The following CERT1 variants were observed in gnomAD, a reference collection of about 807,000 sequenced individuals.
CERT1 encodes the protein ceramide transfer protein.
A neutral mutation model predicts 87.9 loss-of-function variants in CERT1; 31 were observed. The ratio of observed to expected loss-of-function variants is 0.35; its 90% confidence interval spans 0.27 to 0.48. The LOEUF is 0.48. CERT1 is among the 20% of genes least tolerant of loss of function. The probability of loss-of-function intolerance (pLI) is 0.99; values close to 1 mark genes in which losing one functional copy is unlikely to be tolerated. For synonymous variants in CERT1, 289 were observed against 250.9 expected, an observed-to-expected ratio of 1.15 and a Z score of -1.44; for missense variants, 487 against 758.0, an observed-to-expected ratio of 0.64 and a Z score of 4.20.
rs147126458 is a variant in CERT1, at chr5:75,499,299, G to A, written c.231+6683C>T. Among the ~76,000 whole-genome samples the A allele has an allele frequency of 5.6e-3, 852 of 152,264 alleles. 7 individuals carry two copies. The highest frequency in any genetic ancestry group is 8.6e-3 in the Non-Finnish European group (584 of 68,014). The stretch of plus-strand genomic sequence containing the variant: ...TTTGAAATGTGAGGACATGAGATTT[G>A]GGAGGGGCCAGGGGCAGAATGATAC... On this transcript the variant is annotated intron_variant, in intron 2 of 16. Coordinates refer to ENST00000643780, the MANE Select transcript of CERT1 (RefSeq NM_001379029.1).
intron 2 of CERT1, among the ~76,000 whole-genome samples, chr5:75,487,973 T>A (rs980730083): frequency 3.3e-5 from 5 of 152,074 alleles, no homozygotes; most frequent in African/African-American, 1.2e-4. Flanking sequence ...AAACTTTGCA[T>A]GTTCTTACTA....
At chr5:75,477,873 C>T (rs1766040431) in intron 2 of CERT1, among the ~76,000 whole-genome samples, 1 of 151,896 alleles carries the variant, frequency 6.6e-6, no homozygotes. Context: ...ATAAATGATA[C>T]ATAATACTTT....
intron 3 of CERT1, among the ~76,000 whole-genome samples, chr5:75,457,665 A>C (rs969493875): frequency 1.3e-5 from 2 of 152,132 alleles, no homozygotes; most frequent in Non-Finnish European, 2.9e-5. Flanking sequence ...GAGAAATCTT[A>C]AATCAATAAA....
At chr5:75,473,889 A>C (rs1765832891) in intron 2 of CERT1, among the ~76,000 whole-genome samples, 1 of 152,232 alleles carries the variant, frequency 6.6e-6, no homozygotes, top group Admixed American at 6.5e-5. Flanking sequence ...TGTAAAAAAA[A>C]GTTACTTTAA....
Position 75,457,981 on chromosome 5 carries a change from GGTA to G in CERT1, c.348+1081_348+1083del, listed in dbSNP as rs1266122196. Among the ~76,000 whole-genome samples the G allele has an allele frequency of 2.2e-3, 295 of 133,192 alleles. 1 individual carries two copies. Among genetic ancestry groups the G allele is most frequent in the East Asian group, 2.3e-3 (10 of 4,330 alleles). The allele number at this position is 133,192 out of a possible 152,430, so 87.4% of individuals were successfully genotyped here. A position where few individuals can be genotyped will look rare whatever the true frequency, so the allele number is the denominator to read the frequency against. Reference sequence around the variant, plus strand: ...AAAATGTGTGTGTGTGTGTGTGTGTGGTATGTGTGTGTGTGTTTTGTGCCTGTT... The same window carrying G: ...AAAATGTGTGTGTGTGTGTGTGTGTGTGTGTGTGTGTGTTTTGTGCCTGTT... On this transcript the variant is annotated intron_variant, in intron 3 of 16. Coordinates refer to ENST00000643780, the MANE Select transcript of CERT1 (RefSeq NM_001379029.1).
At chr5:75,414,021 T>C (rs908494322) in intron 7 of CERT1, among the ~76,000 whole-genome samples, 5 of 151,900 alleles carry the variant, frequency 3.3e-5, no homozygotes, top group Admixed American at 3.3e-4. Context: ...CAAATTGAAG[T>C]CATACAATAA....
downstream of CERT1, chr5:75,374,418 GA>G (rs528849601): frequency 4.4e-5 from 24 of 541,984 alleles, no homozygotes; most frequent in South Asian, 9.6e-5. Flanking sequence ...TCAAAAGTTA[GA>G]AAAAAAAACG....
At chr5:75,423,409 G>A (rs932198649) in intron 5 of CERT1, among the ~76,000 whole-genome samples, 5 of 151,306 alleles carry the variant, frequency 3.3e-5, no homozygotes, top group East Asian at 1.9e-4. Flanking sequence ...ACACATTAAC[G>A]AACCAAAACC....
At chr5:75,509,873 G>A (rs1767839389) in intron 1 of CERT1, among the ~76,000 whole-genome samples, 1 of 152,122 alleles carries the variant, frequency 6.6e-6, no homozygotes, top group Non-Finnish European at 1.5e-5. Flanking sequence ...AAATCCTGAG[G>A]AGCTTCTCGT....
At chr5:75,461,915 C>T (rs193094222) in intron 2 of CERT1, among the ~76,000 whole-genome samples, 1 of 151,954 alleles carries the variant, frequency 6.6e-6, no homozygotes, top group Admixed American at 6.5e-5. Flanking sequence ...AAGCTCACAT[C>T]ACTATATTAC....
At chr5:75,506,721 T>C (rs1313332857) in intron 1 of CERT1, among the ~76,000 whole-genome samples, 1 of 152,222 alleles carries the variant, frequency 6.6e-6, no homozygotes, top group African/African-American at 2.4e-5. Context: ...CTGAATAATA[T>C]TAAAAATGGC....
chr5:75,475,185 A>C (rs1007610177), intron 2 of CERT1, among the ~76,000 whole-genome samples: 2 of 152,152 alleles, frequency 1.3e-5, no homozygotes, highest in Non-Finnish European at 2.9e-5. Flanking sequence ...CAATGAACAT[A>C]CCATACTGAC....
At chr5:75,456,664 A>C (rs1187353145) in intron 3 of CERT1, among the ~76,000 whole-genome samples, 2 of 39,010 alleles carry the variant, frequency 5.1e-5, no homozygotes, top group Non-Finnish European at 7.7e-5. Context: ...ACCTCATCTC[A>C]AAAAAAAAAA....
chr5:75,511,880 T>A (rs1282925292), upstream of CERT1: 7 of 1,493,972 alleles, frequency 4.7e-6, no homozygotes, highest in East Asian at 5.0e-5. Flanking sequence ...TCGCGCAGCC[T>A]CCTGGGAGTT....
chr5:75,471,039 G>C (rs552832548), intron 2 of CERT1, among the ~76,000 whole-genome samples: 56 of 152,022 alleles, frequency 3.7e-4, no homozygotes, highest in Middle Eastern at 3.2e-3. Flanking sequence ...CCAAGGAAGT[G>C]AAAGATCTCT....
chr5:75,499,105 T>C (rs1388767538), intron 2 of CERT1, among the ~76,000 whole-genome samples: 1 of 152,236 alleles, frequency 6.6e-6, no homozygotes, highest in African/African-American at 2.4e-5. Context: ...ATTTACCCAC[T>C]GCCCATACCC....
chr5:75,462,042 A>C (rs539539236), intron 2 of CERT1, among the ~76,000 whole-genome samples: 2 of 152,288 alleles, frequency 1.3e-5, no homozygotes, highest in South Asian at 4.1e-4. Context: ...CCTTTTAAAA[A>C]ATATTGCAAT....
At chr5:75,424,879 G>T (rs949317101) in intron 5 of CERT1, among the ~76,000 whole-genome samples, 1 of 152,092 alleles carries the variant, frequency 6.6e-6, no homozygotes, top group Non-Finnish European at 1.5e-5. Flanking sequence ...TTGGTAGGCC[G>T]AAGTGGGAAG....
At chr5:75,479,481 T>C (rs180859566) in intron 2 of CERT1, among the ~76,000 whole-genome samples, 11 of 152,216 alleles carry the variant, frequency 7.2e-5, no homozygotes, top group South Asian at 2.1e-4. Context: ...CCAGAGTCCA[T>C]TGTTCCCTTC....
Sources: gnomAD v4.1 joint callset for allele counts (sites outside exome capture counted in the v4.1 genomes callset) on GRCh38, gnomAD v4.1.1 for gene constraint, MANE v1.5 for transcripts, NCBI Gene and HGNC (gene_info 2026-07-23, HGNC 2026-07-21) for gene names.